MUC7: variants seen among roughly 807,000 people sequenced by gnomAD.
MUC7 encodes mucin-7.
In MUC7, 2 loss-of-function variants were observed where a neutral mutation model predicts 2.5. The ratio of observed to expected loss-of-function variants is 0.81; its 90% CI spans 0.33 to 2.55. The LOEUF (loss-of-function observed/expected upper bound fraction) is 2.55. Among genes scored for constraint, MUC7 ranks in the 30% most tolerant of loss-of-function variants. The probability of loss-of-function intolerance (pLI) is 0.11; values close to 1 mark genes in which losing one functional copy is unlikely to be tolerated. For missense variants in MUC7, 408 were observed against 455.6 expected, an observed-to-expected ratio of 0.90 and a Z score of 0.95; for synonymous variants, 133 against 173.4, an observed-to-expected ratio of 0.77 and a Z score of 1.83.
chr4:70,439,786 TCA>T (rs1423564500), intron 1 of MUC7, among the ~76,000 whole-genome samples: 1 of 152,112 alleles, frequency 6.6e-6, no homozygotes, highest in African/African-American at 2.4e-5. Context: ...ATTTTGTTAA[TCA>T]CACATGCTAA....
At chr4:70,440,374 C>T (rs1282710390) in intron 1 of MUC7, among the ~76,000 whole-genome samples, 8 of 152,114 alleles carry the variant, frequency 5.3e-5, no homozygotes, top group African/African-American at 1.9e-4. Flanking sequence ...TTCTCATTAT[C>T]AATGCTCAAC....
chr4:70,456,023 C>A (rs900622912), intron 1 of MUC7, among the ~76,000 whole-genome samples: 3 of 152,130 alleles, frequency 2.0e-5, no homozygotes, highest in African/African-American at 7.2e-5. Flanking sequence ...CTTTGCAATC[C>A]ATATCACTAT....
intron 1 of MUC7, among the ~76,000 whole-genome samples, chr4:70,463,699 T>C (rs1734612445): frequency 6.6e-6 from 1 of 152,206 alleles, no homozygotes; most frequent in South Asian, 2.1e-4. Flanking sequence ...TTTTGTGTAA[T>C]TGGCGTATAC....
At chr4:70,431,355 G>A (rs1733659262) in intron 1 of MUC7, among the ~76,000 whole-genome samples, 1 of 152,034 alleles carries the variant, frequency 6.6e-6, no homozygotes, top group Non-Finnish European at 1.5e-5. Context: ...ACAAGACAAT[G>A]TGCTCTGTGT....
chr4:70,450,100 T>C (rs62322548), intron 1 of MUC7, among the ~76,000 whole-genome samples: 2,112 of 152,180 alleles, frequency 0.014, 31 homozygotes, highest in South Asian at 0.039. Flanking sequence ...TGGTCTAGAG[T>C]AGAAAAACTT....
intron 1 of MUC7, among the ~76,000 whole-genome samples, chr4:70,431,339 C>T (rs554174129): frequency 6.6e-6 from 1 of 152,078 alleles, no homozygotes; most frequent in African/African-American, 2.4e-5. Context: ...TTAGTGCTTA[C>T]CTTACACAAG....
At chr4:70,458,690 A>C (rs949740410) in intron 1 of MUC7, among the ~76,000 whole-genome samples, 1 of 152,130 alleles carries the variant, frequency 6.6e-6, no homozygotes, top group African/African-American at 2.4e-5. Flanking sequence ...AAGTTAAAGA[A>C]AATAAATTGG....
intron 1 of MUC7, among the ~76,000 whole-genome samples, chr4:70,458,033 A>G (rs1247541619): frequency 6.7e-6 from 1 of 149,638 alleles, no homozygotes; most frequent in East Asian, 1.9e-4. Flanking sequence ...AGCATGAGGG[A>G]AAAAAAAGTA....
Position 70,438,691 on chromosome 4 carries a change from C to A in MUC7, c.-93+8004C>A, listed in dbSNP as rs374457081. ...CAGGCTGGTCTTGAACTCCTGACCT[C>A]AGATAATCCACCCGCCTCCACCTCC... On this transcript the variant is annotated intron_variant, in intron 1 of 3. Coordinates refer to the MUC7 transcript ENST00000413702. 4.6e-5 allele frequency among the ~76,000 whole-genome samples: 7 copies of A among 152,192 alleles called. 1 individual carries two copies. In the East Asian group the frequency reaches 9.7e-4, roughly 21 times the overall value.
intron 1 of MUC7, among the ~76,000 whole-genome samples, chr4:70,442,741 T>A (rs1044769507): frequency 6.6e-6 from 1 of 152,218 alleles, no homozygotes; most frequent in African/African-American, 2.4e-5. Context: ...TGAAGGCAGT[T>A]CTTGCCATCT....
At chr4:70,454,368 T>A (rs537809647) in intron 1 of MUC7, among the ~76,000 whole-genome samples, 1 of 152,236 alleles carries the variant, frequency 6.6e-6, no homozygotes, top group Admixed American at 6.5e-5. Context: ...GGTCTCATTT[T>A]CCTTCTGTGG....
chr4:70,453,063 AT>A, intron 1 of MUC7, among the ~76,000 whole-genome samples: 1 of 152,310 alleles, frequency 6.6e-6, no homozygotes, highest in Non-Finnish European at 1.5e-5. Context: ...TGCCATATGT[AT>A]TAGAGCTCCA....
At chr4:70,477,463 C>T (rs181005283) in intron 2 of MUC7, among the ~76,000 whole-genome samples, 1 of 152,228 alleles carries the variant, frequency 6.6e-6, no homozygotes, top group Non-Finnish European at 1.5e-5. Flanking sequence ...AATTCTCTCC[C>T]TTTCTGACTA....
At chr4:70,459,477 G>T (rs1477428879) in intron 1 of MUC7, among the ~76,000 whole-genome samples, 1 of 152,116 alleles carries the variant, frequency 6.6e-6, no homozygotes, top group Non-Finnish European at 1.5e-5. Context: ...TATACCTAAT[G>T]CTAAATGACT....
intron 1 of MUC7, among the ~76,000 whole-genome samples, chr4:70,437,818 G>A (rs919387468): frequency 6.6e-6 from 1 of 152,128 alleles, no homozygotes; most frequent in African/African-American, 2.4e-5. Context: ...CTCGCTGGGA[G>A]CTGTAGACTG....
chr4:70,467,778 A>G (rs887459818), upstream of MUC7, among the ~76,000 whole-genome samples: 1 of 152,220 alleles, frequency 6.6e-6, no homozygotes, highest in Non-Finnish European at 1.5e-5. Flanking sequence ...ATAGTCTACC[A>G]ACCAAAAAAA....
chr4:70,468,939 G>A (rs7658555), upstream of MUC7, among the ~76,000 whole-genome samples: 11,715 of 152,086 alleles, frequency 0.077, 644 homozygotes, highest in East Asian at 0.2. Flanking sequence ...AAAAGAACCC[G>A]TATAGCCAAG....
chr4:70,468,272 T>C (rs940401110), upstream of MUC7, among the ~76,000 whole-genome samples: 2 of 152,068 alleles, frequency 1.3e-5, no homozygotes, highest in African/African-American at 2.4e-5. Flanking sequence ...TAATAAGAGC[T>C]ACTTATGACA....
upstream of MUC7, among the ~76,000 whole-genome samples, chr4:70,471,527 C>T (rs752611290): frequency 2.6e-5 from 4 of 152,036 alleles, no homozygotes; most frequent in Non-Finnish European, 5.9e-5. Flanking sequence ...GTAGCTGTTA[C>T]AATTTCTGTA....
Sources: gnomAD v4.1 joint callset for allele counts (sites outside exome capture counted in the v4.1 genomes callset) on GRCh38, gnomAD v4.1.1 for gene constraint, MANE v1.5 for transcripts, NCBI Gene and HGNC (gene_info 2026-07-23, HGNC 2026-07-21) for gene names.